The following RTL4 variants were observed in gnomAD, a reference collection of about 807,000 sequenced individuals.
RTL4 encodes retrotransposon Gag-like protein 4.
In RTL4, 4 loss-of-function variants were observed where a neutral mutation model predicts 5.3. The observed-to-expected ratio is 0.75, with a 90% CI of 0.37 to 1.72. RTL4 has a LOEUF of 1.72. Among genes scored for constraint, RTL4 ranks in the 40% most tolerant of loss-of-function variants. The pLI, the probability that RTL4 is intolerant of heterozygous loss-of-function variation, is 0.04. For missense variants in RTL4, 260 were observed against 227.1 expected (o/e 1.14, Z -0.93); for synonymous variants, 98 against 87.3 (o/e 1.12, Z -0.68).
At chrX:112,309,881 T>TAC in the RTL4 span, among the ~76,000 whole-genome samples, 7 of 104,033 alleles carry the variant, frequency 6.7e-5, no homozygotes, top group South Asian at 4.4e-4. Flanking sequence ...TACATATATA[T>TAC]ACACACACAC....
At chrX:112,192,340 C>T in the RTL4 span, among the ~76,000 whole-genome samples, 1 of 110,414 alleles carries the variant, frequency 9.1e-6, no homozygotes, top group African/African-American at 3.3e-5. Flanking sequence ...TATTTCCAAT[C>T]TTAGGGGAAA....
At chrX:112,133,159 CA>C in the RTL4 span, among the ~76,000 whole-genome samples, 2 of 111,713 alleles carry the variant, frequency 1.8e-5, no homozygotes, top group Admixed American at 9.5e-5. Context: ...ATTGTTACTG[CA>C]GGTAAAAGAC....
the RTL4 span, among the ~76,000 whole-genome samples, chrX:112,127,673 C>CA: frequency 9.0e-6 from 1 of 111,443 alleles, no homozygotes; most frequent in Admixed American, 9.6e-5. Context: ...TAGAAAATCT[C>CA]AAAGGAATTG....
At chrX:112,145,554 A>T in the RTL4 span, among the ~76,000 whole-genome samples, 1 of 112,040 alleles carries the variant, frequency 8.9e-6, no homozygotes, top group Non-Finnish European at 1.9e-5. Context: ...GGTGCTGGGG[A>T]TACAGTAGTG....
chrX:112,132,379 C>A, the RTL4 span, among the ~76,000 whole-genome samples: 1 of 110,961 alleles, frequency 9.0e-6, no homozygotes, highest in Non-Finnish European at 1.9e-5. Flanking sequence ...AGACAGCTTA[C>A]CTCCCTCTGA....
the RTL4 span, among the ~76,000 whole-genome samples, chrX:112,335,321 T>A: frequency 9.0e-6 from 1 of 111,261 alleles, no homozygotes; most frequent in African/African-American, 3.3e-5. Flanking sequence ...GCTTTTTCTC[T>A]TTTTTCCTAA....
At chrX:112,348,662 C>T in the RTL4 span, among the ~76,000 whole-genome samples, 1 of 110,781 alleles carries the variant, frequency 9.0e-6, no homozygotes, top group African/African-American at 3.3e-5. Flanking sequence ...CTGCACGTTC[C>T]TTAAAGTAGG....
the RTL4 span, among the ~76,000 whole-genome samples, chrX:112,196,238 A>G: frequency 8.9e-6 from 1 of 111,882 alleles, no homozygotes; most frequent in Non-Finnish European, 1.9e-5. Context: ...GAAGTCATGC[A>G]GTATGTAACC....
At chrX:112,416,383 T>C in the RTL4 span, among the ~76,000 whole-genome samples, 2 of 112,243 alleles carry the variant, frequency 1.8e-5, no homozygotes, top group African/African-American at 6.5e-5. Flanking sequence ...TTTCAACCCA[T>C]GCATCATAGT....
At chrX:112,285,179 G>A in the RTL4 span, among the ~76,000 whole-genome samples, 3 of 111,917 alleles carry the variant, frequency 2.7e-5, no homozygotes, top group Non-Finnish European at 5.6e-5. Context: ...AGAGTAAGAA[G>A]TGGTTTAGTT....
chrX:112,431,887 C>T, the RTL4 span, among the ~76,000 whole-genome samples: 15,958 of 61,964 alleles, frequency 0.26, 2,021 homozygotes, highest in African/African-American at 0.41. Context: ...CCCCTCCCCC[C>T]ACCCCACAAC....
At chrX:112,300,397 T>A in the RTL4 span, among the ~76,000 whole-genome samples, 1 of 112,637 alleles carries the variant, frequency 8.9e-6, no homozygotes, top group African/African-American at 3.2e-5. Flanking sequence ...ATCAACTGTA[T>A]TATAATCTGT....
At chrX:112,171,088 A>T in the RTL4 span, among the ~76,000 whole-genome samples, 1 of 112,063 alleles carries the variant, frequency 8.9e-6, no homozygotes, top group Non-Finnish European at 1.9e-5. Flanking sequence ...GCATCCCAGG[A>T]ATGAAGCCAT....
chrX:112,453,907 C>T (rs1271120580), upstream of RTL4, among the ~76,000 whole-genome samples: 3 of 111,432 alleles, frequency 2.7e-5, no homozygotes, highest in Non-Finnish European at 5.6e-5. Context: ...CAAATGAGCA[C>T]ATTTACGGTC....
chrX:112,141,921 G>A, the RTL4 span, among the ~76,000 whole-genome samples: 1 of 111,549 alleles, frequency 9.0e-6, no homozygotes, highest in Non-Finnish European at 1.9e-5. Context: ...CTTTATCACT[G>A]GTGATTTTTT....
the RTL4 span, among the ~76,000 whole-genome samples, chrX:112,359,043 C>T: frequency 9.0e-6 from 1 of 111,616 alleles, no homozygotes; most frequent in African/African-American, 3.3e-5. Context: ...TAACAAATGT[C>T]TATCTTTAGC....
At chrX:112,163,087 T>C in the RTL4 span, among the ~76,000 whole-genome samples, 1 of 111,708 alleles carries the variant, frequency 9.0e-6, no homozygotes, top group Admixed American at 9.5e-5. Flanking sequence ...CTACTCTTGG[T>C]TGGGAGCCAG....
chrX:112,183,935 C>T, the RTL4 span, among the ~76,000 whole-genome samples: 1 of 111,477 alleles, frequency 9.0e-6, no homozygotes. Flanking sequence ...AATAAGCAGA[C>T]CTGTGCATGT....
chrX:112,455,466 C>A, exon 1 of RTL4: 1 of 1,210,976 alleles, frequency 8.3e-7, no homozygotes. Context: ...CCCTCTTTAG[C>A]CCCACAGATC....
Sources: gnomAD v4.1 joint callset for allele counts (sites outside exome capture counted in the v4.1 genomes callset) on GRCh38, gnomAD v4.1.1 for gene constraint, MANE v1.5 for transcripts, NCBI Gene and HGNC (gene_info 2026-07-23, HGNC 2026-07-21) for gene names.